The following GLB1L3 variants were observed in gnomAD, a reference collection of about 807,000 sequenced individuals.
GLB1L3 encodes beta-galactosidase-1-like protein 3.
A neutral mutation model predicts 89.5 loss-of-function variants in GLB1L3; 89 were observed. That is an observed-to-expected ratio of 0.99 (90% CI 0.84 to 1.19). The LOEUF (loss-of-function observed/expected upper bound fraction) is 1.19, where lower values mean the gene tolerates loss of function less well. Among genes scored for constraint, GLB1L3 ranks in the 50% most tolerant of loss-of-function variants. The pLI is 0.00. For synonymous variants in GLB1L3, 314 were observed against 312.3 expected, an observed-to-expected ratio of 1.01 and a Z score of -0.06; for missense variants, 812 against 813.3, an observed-to-expected ratio of 1.00 and a Z score of 0.02.
At chr11:134,307,318 A>G (rs777207797) in intron 10 of GLB1L3, 110 bp downstream of exon 10, 3 of 789,752 alleles carry the variant, frequency 3.8e-6, no homozygotes, top group South Asian at 1.8e-5. Flanking sequence ...GTAGATATTC[A>G]TGCAACTTTT....
intron 6 of GLB1L3, among the ~76,000 whole-genome samples, chr11:134,284,611 C>T (rs1017166533): frequency 3.3e-5 from 5 of 151,966 alleles, no homozygotes; most frequent in African/African-American, 1.2e-4. Flanking sequence ...TGCCTGTAAC[C>T]CCAGCTACTC....
At position 134,318,693 on chromosome 11, in the gene GLB1L3, G is replaced by C; in HGVS notation, c.1842G>C (p.Gly614=). 1 of 1,613,122 alleles carries C rather than the reference G, an allele frequency of 6.2e-7. No homozygotes were observed. The highest frequency in any genetic ancestry group is 1.3e-5 in the African/African-American group (1 of 75,026). The change falls in exon 19 of 20, where the codon GGG becomes GGC. Residue 614 remains glycine (G), a synonymous_variant. Coordinates refer to ENST00000431683, the MANE Select transcript of GLB1L3 (RefSeq NM_001080407.3). Reference sequence around the variant, plus strand: ...ACCTTGGGCGATATTGGAATATTGGGCCTCAGAAAACACTGTACCTTCCTG... The same window carrying C: ...ACCTTGGGCGATATTGGAATATTGGCCCTCAGAAAACACTGTACCTTCCTG... ...GRNLGRYWNI[G]PQKTLYLPGV... is the part of the protein sequence containing the mutation.
At chr11:134,321,462 A>T (rs1243241081), downstream of GLB1L3, among the ~76,000 whole-genome samples, 1 of 152,212 alleles carries the variant, frequency 6.6e-6, no homozygotes, top group African/African-American at 2.4e-5. Context: ...ATAAAGACAC[A>T]TGCACACGTA....
rs372940179 is a variant in GLB1L3 at position 134,277,913 on chromosome 11, G to A, written c.362+1G>A. 6.2e-7 allele frequency: 1 copy of A among 1,613,552 alleles called. No homozygotes were observed. Among genetic ancestry groups the A allele is most frequent in the Non-Finnish European group, 8.5e-7 (1 of 1,179,868 alleles). ...CCTGTGGCTTCAATACTGTCACCAC[G>A]TGAGTGCCGGCCCCTCACCTCCAGG... On this transcript the variant is annotated splice_donor_variant, in intron 3 of 19. Coordinates refer to ENST00000431683, the MANE Select transcript of GLB1L3 (RefSeq NM_001080407.3). LOFTEE classifies it high-confidence loss of function.
intron 10 of GLB1L3, among the ~76,000 whole-genome samples, chr11:134,307,743 C>T (rs1465030147): frequency 6.6e-6 from 1 of 152,204 alleles, no homozygotes; most frequent in Non-Finnish European, 1.5e-5. Flanking sequence ...GCAGCGCTAG[C>T]CATGCGCTAG....
At chr11:134,290,874 C>G (rs919609390) in intron 7 of GLB1L3, among the ~76,000 whole-genome samples, 1 of 152,140 alleles carries the variant, frequency 6.6e-6, no homozygotes, top group African/African-American at 2.4e-5. Context: ...GGTCTTCTTC[C>G]TCTTCTTTCA....
At chr11:134,280,902 C>G (rs921939644) in intron 3 of GLB1L3, among the ~76,000 whole-genome samples, 2 of 152,156 alleles carry the variant, frequency 1.3e-5, no homozygotes, top group African/African-American at 4.8e-5. Context: ...TTACTCATAG[C>G]CCTATGGGGG....
intron 3 of GLB1L3, among the ~76,000 whole-genome samples, chr11:134,279,033 A>C (rs1332141326): frequency 6.6e-6 from 1 of 152,210 alleles, no homozygotes. Flanking sequence ...AAATGTGTTT[A>C]TGATTATAAG....
At chr11:134,282,239 G>C (rs2136112598) in intron 5 of GLB1L3, 119 bp downstream of exon 5, 1 of 1,217,992 alleles carries the variant, frequency 8.2e-7, no homozygotes, top group Non-Finnish European at 1.1e-6. Flanking sequence ...TGGGAGGTGT[G>C]CTGCCCCACG....
chr11:134,284,029 C>T (rs1369858247), intron 6 of GLB1L3, among the ~76,000 whole-genome samples, 184 bp downstream of exon 6: 1 of 152,228 alleles, frequency 6.6e-6, no homozygotes, highest in Non-Finnish European at 1.5e-5. Context: ...CCTTGTTGTC[C>T]GGGTAAGCTT....
At chr11:134,290,946 C>T (rs947031961) in intron 7 of GLB1L3, among the ~76,000 whole-genome samples, 7 of 151,998 alleles carry the variant, frequency 4.6e-5, no homozygotes, top group African/African-American at 1.7e-4. Context: ...TCCCTGGAGA[C>T]TTTGATCATG....
intron 6 of GLB1L3, among the ~76,000 whole-genome samples, chr11:134,288,482 G>T (rs1941142016): frequency 6.6e-6 from 1 of 152,218 alleles, no homozygotes; most frequent in Admixed American, 6.5e-5. Context: ...GCAGGAGGGA[G>T]GTGGGAATAT....
intron 16 of GLB1L3, 117 bp downstream of exon 16, chr11:134,313,591 G>A: frequency 1.1e-6 from 1 of 896,700 alleles, no homozygotes. Flanking sequence ...GGCTACCCAG[G>A]CCCTGGGAGC....
In GLB1L3 at chr11:134,318,879, C is replaced by T. The variant is rs761777126; in HGVS notation, c.1899C>T (p.Val633=). Reference sequence around the variant, plus strand: ...GTCAACCTTTCTTTTCTTCTCAGGTCATCTTGTTTGAGAAGATGATGAGTG... The same window carrying T: ...GTCAACCTTTCTTTTCTTCTCAGGTTATCTTGTTTGAGAAGATGATGAGTG... ...GVWLHPEDNE[V]ILFEKMMSGS... The change falls in exon 20 of 20, where the codon GTC becomes GTT. Residue 633 remains valine (V), a splice_region_variant and synonymous_variant. Transcript: ENST00000431683. The T allele has an allele frequency of 1.9e-6, 3 of 1,612,698 alleles. No individual in the cohort carries two copies. Among genetic ancestry groups the T allele is most frequent in the Non-Finnish European group, 2.5e-6 (3 of 1,178,792 alleles).
chr11:134,315,835 TG>T (rs1409240722), intron 18 of GLB1L3, among the ~76,000 whole-genome samples: 1 of 152,206 alleles, frequency 6.6e-6, no homozygotes, highest in African/African-American at 2.4e-5. Flanking sequence ...AGGATTAATT[TG>T]CTTTATTTTT....
At chr11:134,298,433 T>G (rs993644229) in intron 9 of GLB1L3, among the ~76,000 whole-genome samples, 5 of 152,144 alleles carry the variant, frequency 3.3e-5, no homozygotes, top group Non-Finnish European at 7.4e-5. Context: ...ATGAGCAAAT[T>G]GAATCCAGCA....
At chr11:134,305,093 T>C in intron 9 of GLB1L3, 3 of 1,548,942 alleles carry the variant, frequency 1.9e-6, no homozygotes, top group Non-Finnish European at 2.6e-6. Context: ...CCCATCTTCC[T>C]TTTTGCTTTC....
rs1371651214 is a variant in GLB1L3, at chr11:134,313,440, CAATTTTTCATGGCAA to C, written c.1547_1561del (p.Asn516_Gln520del). The C allele has an allele frequency of 1.3e-6, 2 of 1,577,800 alleles. No individual in the cohort carries two copies. Among genetic ancestry groups the C allele is most frequent in the Admixed American group, 3.6e-5 (2 of 55,170 alleles). On this transcript the variant is annotated inframe_deletion, in exon 16 of 20. Transcript: ENST00000431683. ...TCCTGGTGGAGAATCAAGGACGAGT[CAATTTTTCATGGCAA>C]ATACAGAATGAGCAGAAAGGTGGGC...
chr11:134,321,984 CA>C (rs1243265722), downstream of GLB1L3, among the ~76,000 whole-genome samples: 1 of 151,764 alleles, frequency 6.6e-6, no homozygotes, highest in African/African-American at 2.4e-5. Flanking sequence ...TATCAGCAAC[CA>C]TAGTAAATTT....
Sources: allele counts gnomAD v4.1 joint callset (sites outside exome capture counted in the v4.1 genomes callset), GRCh38; gene constraint gnomAD v4.1.1; transcripts MANE v1.5; gene names NCBI Gene and HGNC (gene_info 2026-07-23, HGNC 2026-07-21).